The following LGR6 variants were observed in gnomAD, a reference collection of about 807,000 sequenced individuals.
The protein encoded by LGR6 is leucine rich repeat containing G protein-coupled receptor 6.
Under a neutral mutation model 69.4 loss-of-function variants are expected in LGR6, and 45 were observed. The observed-to-expected ratio is 0.65, with a 90% CI of 0.51 to 0.83. The LOEUF (loss-of-function observed/expected upper bound fraction) is 0.83. Ranked by LOEUF, LGR6 falls within the 40% of genes least tolerant of loss-of-function variation. The pLI, the probability that LGR6 is intolerant of heterozygous loss-of-function variation, is 0.00. For missense variants in LGR6, 1,108 were observed against 1,246.7 expected (o/e 0.89, Z 1.68); for synonymous variants, 538 against 555.0 (o/e 0.97, Z 0.43).
chr1:202,211,148 T>C (rs1571816416), intron 1 of LGR6, among the ~76,000 whole-genome samples: 1 of 152,216 alleles, frequency 6.6e-6, no homozygotes, highest in Non-Finnish European at 1.5e-5. Flanking sequence ...CCCATGGCCA[T>C]GCCAGCAAAT....
rs578115821 is a variant in LGR6, at chr1:202,261,164, T to G, written c.429-15142T>G. Among the ~76,000 whole-genome samples the G allele has an allele frequency of 3.9e-4, 60 of 152,120 alleles. 1 individual carries two copies. Among genetic ancestry groups the G allele is most frequent in the African/African-American group, 1.4e-3 (58 of 41,502 alleles). ...TAGTTACATATGTATACATGTGCCATGCTGGTGTGCTACACCCATTAACTT... is the reference window on the plus strand; with the variant it reads ...TAGTTACATATGTATACATGTGCCAGGCTGGTGTGCTACACCCATTAACTT... On this transcript the variant is annotated intron_variant, in intron 4 of 17. Transcript: ENST00000367278.
intron 1 of LGR6, among the ~76,000 whole-genome samples, chr1:202,214,860 C>A (rs937233381): frequency 7.9e-5 from 12 of 152,130 alleles, no homozygotes; most frequent in Non-Finnish European, 1.6e-4. Flanking sequence ...GCAAACGTAG[C>A]TCTTTTTATT....
Position 202,194,194 on chromosome 1 carries a change from G to A in LGR6, c.205G>A (p.Ala69Thr), listed in dbSNP as rs1328889679. ...TCCGGGGGACCTGGACCCCCTGACG[G>A]CTTACCTGTGAGTACTGCCCGCCTG... ...AVPGDLDPLT[A>T]YLDLSMNNLT... Residue 69 changes from alanine to threonine, a missense_variant, in exon 1 of 18, where the codon GCT (alanine) becomes ACT (threonine). Physicochemically the swap from Ala to Thr is moderately conservative, Grantham distance 58 (BLOSUM62 0). Coordinates refer to ENST00000367278, the MANE Select transcript of LGR6 (RefSeq NM_001017403.2). 1 of 1,558,116 alleles carries A rather than the reference G, an allele frequency of 6.4e-7. No homozygotes were observed. The highest frequency in any genetic ancestry group is 8.6e-7 in the Non-Finnish European group (1 of 1,160,454).
chr1:202,288,319 C>T (rs1026104313), intron 6 of LGR6, among the ~76,000 whole-genome samples: 2 of 152,180 alleles, frequency 1.3e-5, no homozygotes, highest in African/African-American at 4.8e-5. Context: ...CCATAGCATG[C>T]ACCGCAATCT....
Position 202,305,690 on chromosome 1 carries a change from G to A in LGR6, c.1077G>A (p.Leu359=). ...GCCTTTCTCTTTTCCCCAGGGAACT[G>A]TCTCACAATCAAATTGAGGAGCTGC... is the stretch of plus-strand genomic sequence containing the variant. ...QQLPRLRVLE[L]SHNQIEELPS... The change falls in exon 12 of 18, where the codon CTG becomes CTA. Residue 359 remains leucine, a synonymous_variant. Transcript: ENST00000367278. The A allele has an allele frequency of 6.2e-7, 1 of 1,613,774 alleles. No individual in the cohort carries two copies. The highest frequency in any genetic ancestry group is 8.5e-7 in the Non-Finnish European group (1 of 1,179,996).
chr1:202,279,979 T>C (rs1665880322), intron 5 of LGR6, among the ~76,000 whole-genome samples: 1 of 152,258 alleles, frequency 6.6e-6, no homozygotes, highest in Non-Finnish European at 1.5e-5. Flanking sequence ...AGAAGGCTAC[T>C]GTGATAAATT....
At chr1:202,300,983 T>A in intron 8 of LGR6, 63 bp downstream of exon 8, 1 of 1,485,230 alleles carries the variant, frequency 6.7e-7, no homozygotes, top group Non-Finnish European at 9.3e-7. Flanking sequence ...GGACAGAGGA[T>A]GGGAAGGCAG....
chr1:202,255,673 TAAA>T (rs1247003443), intron 4 of LGR6, among the ~76,000 whole-genome samples: 1 of 152,096 alleles, frequency 6.6e-6, no homozygotes, highest in Non-Finnish European at 1.5e-5. Flanking sequence ...AAGAAGAAAA[TAAA>T]AATCACCCAC....
intron 17 of LGR6, among the ~76,000 whole-genome samples, chr1:202,317,138 G>A (rs944472084): frequency 2.0e-5 from 3 of 152,172 alleles, no homozygotes; most frequent in Non-Finnish European, 4.4e-5. Flanking sequence ...GAGAGAAACA[G>A]AGCCTCAGGC....
At position 202,295,972 on chromosome 1, in the gene LGR6, G is replaced by T. The variant is rs188095291; in HGVS notation, c.717-1536G>T. On this transcript the variant is annotated intron_variant, in intron 6 of 17. Coordinates refer to ENST00000367278, the MANE Select transcript of LGR6 (RefSeq NM_001017403.2). ...TTGTCACTGCCCCTCTGGCCCTTGG[G>T]CTGGGTTCCTGGCTCTACCTGTGGA... Among the ~76,000 whole-genome samples, 137 of 151,904 alleles carry T rather than the reference G, an allele frequency of 9.0e-4. 1 individual carries two copies. The East Asian group carries it at 0.026, about 29-fold the overall frequency.
intron 6 of LGR6, among the ~76,000 whole-genome samples, chr1:202,288,801 G>C (rs937618373): frequency 6.6e-6 from 1 of 152,178 alleles, no homozygotes; most frequent in African/African-American, 2.4e-5. Flanking sequence ...CAGTTGTTCA[G>C]AACTGCAAGA....
At chr1:202,200,140 TG>T (rs1159378336) in intron 1 of LGR6, among the ~76,000 whole-genome samples, 7 of 152,164 alleles carry the variant, frequency 4.6e-5, no homozygotes, top group Non-Finnish European at 8.8e-5. Context: ...GTTCTGCTCT[TG>T]GGCTCCTGGG....
chr1:202,308,681 C>T (rs1653465316), intron 14 of LGR6, among the ~76,000 whole-genome samples: 1 of 152,110 alleles, frequency 6.6e-6, no homozygotes, highest in Admixed American at 6.5e-5. Flanking sequence ...GAAGGTTCCC[C>T]AAGCGGGTGG....
chr1:202,245,881 G>A (rs1008849555), intron 4 of LGR6, among the ~76,000 whole-genome samples: 2 of 152,036 alleles, frequency 1.3e-5, no homozygotes, highest in South Asian at 2.1e-4. Context: ...AGAGGAGACC[G>A]AACTATTGGT....
intron 10 of LGR6, among the ~76,000 whole-genome samples, 162 bp downstream of exon 10, chr1:202,303,509 C>T (rs945694376): frequency 6.6e-6 from 1 of 152,186 alleles, no homozygotes; most frequent in African/African-American, 2.4e-5. Flanking sequence ...GTGGCACTGC[C>T]CACAGGCAAG....
chr1:202,315,720 C>G (rs926079852), intron 17 of LGR6, among the ~76,000 whole-genome samples: 9 of 152,230 alleles, frequency 5.9e-5, no homozygotes, highest in Non-Finnish European at 1.3e-4. Context: ...CTCTCTAAAG[C>G]CTATAGAGTG....
chr1:202,260,745 GAATATATTTTTTTGTGGCCAACTAACT>G (rs1477134796), intron 4 of LGR6, among the ~76,000 whole-genome samples: 4 of 152,104 alleles, frequency 2.6e-5, no homozygotes, highest in South Asian at 2.1e-4. Context: ...ATATAGTTGA[GAATATATTTTTTTGTGGCCAACTAACT>G]AATATATTTT....
intron 4 of LGR6, chr1:202,236,332 G>A (rs866111848): frequency 1.2e-4 from 37 of 320,558 alleles, no homozygotes; most frequent in African/African-American, 7.1e-4. Context: ...GGTGGAGACT[G>A]CCGCCCAAAA....
At chr1:202,256,452 A>G (rs1663782079) in intron 4 of LGR6, among the ~76,000 whole-genome samples, 3 of 152,310 alleles carry the variant, frequency 2.0e-5, no homozygotes, top group African/African-American at 7.2e-5. Flanking sequence ...CATGTTGGCC[A>G]GGCTGGTCTT....
Sources: gnomAD v4.1 joint callset for allele counts (sites outside exome capture counted in the v4.1 genomes callset) on GRCh38, gnomAD v4.1.1 for gene constraint, MANE v1.5 for transcripts, NCBI Gene and HGNC (gene_info 2026-07-23, HGNC 2026-07-21) for gene names.